Variants in ATRN observed in about 807,000 individuals in gnomAD.
The protein encoded by ATRN is attractin-2.
A neutral mutation model predicts 178.7 loss-of-function variants in ATRN; 54 were observed. That is an observed-to-expected ratio of 0.30 (90% CI 0.24 to 0.38). The LOEUF (loss-of-function observed/expected upper bound fraction) is 0.38. Among genes scored for constraint, ATRN ranks in the 10% least tolerant of loss-of-function variants. ATRN has a pLI of 1.00. For synonymous variants in ATRN, 636 were observed against 663.0 expected (o/e 0.96, Z 0.63); for missense variants, 1,443 against 1,815.1 (o/e 0.79, Z 3.73).
chr20:3,513,307 A>G (rs1208677942), intron 1 of ATRN, among the ~76,000 whole-genome samples: 1 of 152,346 alleles, frequency 6.6e-6, no homozygotes, highest in Admixed American at 6.5e-5. Flanking sequence ...GAAGGGATCC[A>G]GTTTCAGCTT....
At chr20:3,514,120 A>G (rs1327487450) in intron 1 of ATRN, among the ~76,000 whole-genome samples, 13 of 152,182 alleles carry the variant, frequency 8.5e-5, no homozygotes, top group Non-Finnish European at 1.9e-4. Context: ...TGGGAGCTGT[A>G]GACTGGAGCT....
At chr20:3,534,860 G>A (rs2085502275) in intron 1 of ATRN, among the ~76,000 whole-genome samples, 2 of 152,070 alleles carry the variant, frequency 1.3e-5, no homozygotes, top group South Asian at 4.2e-4. Context: ...TAATTCTGGT[G>A]CTTTGGGAAG....
rs144704398 is a variant in ATRN, at chr20:3,553,495, A to G, written c.1112+4157A>G. ...TTATTCCTATTAATCAAATTGCTAA[A>G]CATGAACTGGGGTGCCATTGAACAA... On this transcript the variant is annotated intron_variant, in intron 6 of 28. Coordinates refer to ENST00000262919, the MANE Select transcript of ATRN (RefSeq NM_139321.3). Among the ~76,000 whole-genome samples, 33 of 152,312 alleles carry G rather than the reference A, an allele frequency of 2.2e-4. 1 individual carries two copies. In the East Asian group the frequency reaches 4.4e-3, roughly 20 times the overall value.
chr20:3,550,744 C>T (rs1197027116), intron 6 of ATRN, among the ~76,000 whole-genome samples: 2 of 152,152 alleles, frequency 1.3e-5, no homozygotes, highest in East Asian at 1.9e-4. Context: ...CCAGAGATCT[C>T]GTAGGAGATT....
rs1266760441 is a variant in ATRN, at chr20:3,497,344, T to TA, written c.410+25828dup. Reference sequence around the variant, plus strand: ...TTAGCACTTCCTTCAGGAGCTCTTTTAGGGCAGGCCTGGTGGTGACAGAAT... The same window carrying TA: ...TTAGCACTTCCTTCAGGAGCTCTTTTAAGGGCAGGCCTGGTGGTGACAGAAT... On this transcript the variant is annotated intron_variant, in intron 1 of 28. Transcript: ENST00000262919. Among the ~76,000 whole-genome samples the TA allele has an allele frequency of 3.3e-5, 5 of 152,220 alleles. No homozygotes were observed. In the East Asian group the frequency reaches 7.7e-4, roughly 23 times the overall value.
intron 1 of ATRN, among the ~76,000 whole-genome samples, chr20:3,530,390 A>C (rs1412909445): frequency 6.7e-6 from 1 of 150,136 alleles, no homozygotes; most frequent in Non-Finnish European, 1.5e-5. Flanking sequence ...CAGCCTCCCG[A>C]GTAGCTGGGA....
intron 24 of ATRN, among the ~76,000 whole-genome samples, chr20:3,621,372 C>T (rs532340255): frequency 2.0e-5 from 3 of 151,972 alleles, no homozygotes; most frequent in South Asian, 2.1e-4. Context: ...AGTGCAGGTC[C>T]GTAATATCTT....
rs5839998 is a variant in ATRN, at chr20:3,532,769, C to CT, written c.411-2473dup. ...ATTGAAATGCTTGGGCCTTTATACT[C>CT]TTTTTTTTTTTGAGACAGAGTCTCA... is the stretch of plus-strand genomic sequence containing the variant. On this transcript the variant is annotated intron_variant, in intron 1 of 28. Coordinates refer to ENST00000262919, the MANE Select transcript of ATRN (RefSeq NM_139321.3). Among the ~76,000 whole-genome samples the CT allele has an allele frequency of 8.7e-3, 1,277 of 147,326 alleles. 17 individuals carry two copies. The highest frequency in any genetic ancestry group is 0.028 in the African/African-American group (1,110 of 40,298).
chr20:3,599,307 A>C (rs568689372), intron 22 of ATRN, among the ~76,000 whole-genome samples: 2 of 152,210 alleles, frequency 1.3e-5, no homozygotes, highest in African/African-American at 4.8e-5. Flanking sequence ...AAAATCTTTC[A>C]GGATATACTT....
chr20:3,576,925 A>G lies in ATRN; in HGVS notation c.2281A>G (p.Ser761Gly). The G allele has an allele frequency of 6.2e-7, 1 of 1,614,156 alleles. No homozygotes were observed. Among genetic ancestry groups the G allele is most frequent in the South Asian group, 1.1e-5 (1 of 91,080 alleles). Reference sequence around the variant, plus strand: ...CATGTACTACTGTAACAAGAAGACCAGCTGCAGGAGCTGTGCCCTGGACCA... The same window carrying G: ...CATGTACTACTGTAACAAGAAGACCGGCTGCAGGAGCTGTGCCCTGGACCA... ...NPMYYCNKKT[S>G]CRSCALDQNC... The change falls in exon 14 of 29, where the codon AGC becomes GGC. Residue 761 changes from serine to glycine, a missense_variant. This residue lies in a region of ATRN where 212 missense variants were observed against 330.7 expected (regional missense o/e 0.64). Transcript: ENST00000262919.
In ATRN at chr20:3,632,800, A is replaced by G. The variant is rs1312037925; in HGVS notation, c.3864-1511A>G. ...GACAGTAATCTTTGCTCTGTTTATC[A>G]GTGTTTTCCATGAGCCTAGAACAGG... On this transcript the variant is annotated intron_variant, in intron 25 of 28. Coordinates refer to ENST00000262919, the MANE Select transcript of ATRN (RefSeq NM_139321.3). The surrounding 1 kb of genome is among the most constrained non-coding windows in gnomAD (Gnocchi z 4.2). 1.5e-4 allele frequency among the ~76,000 whole-genome samples: 23 copies of G among 152,196 alleles called. No individual in the cohort carries two copies. The highest frequency in any genetic ancestry group is 1.5e-3 in the Admixed American group (23 of 15,290).
At chr20:3,498,107 A>G (rs924905413) in intron 1 of ATRN, among the ~76,000 whole-genome samples, 4 of 152,204 alleles carry the variant, frequency 2.6e-5, no homozygotes, top group Admixed American at 6.5e-5. Context: ...TCCTCGACAC[A>G]TACACCCTCC....
intron 24 of ATRN, among the ~76,000 whole-genome samples, chr20:3,611,647 C>T (rs138770419): frequency 0.038 from 5,783 of 152,292 alleles, 147 homozygotes; most frequent in Non-Finnish European, 0.056. Flanking sequence ...GATACTGAGG[C>T]AGGAGAATCG....
intron 3 of ATRN, among the ~76,000 whole-genome samples, chr20:3,541,160 C>T (rs2085614727): frequency 6.6e-6 from 1 of 150,718 alleles, no homozygotes; most frequent in South Asian, 2.1e-4. Context: ...TCACTGCAAG[C>T]TCCGCCTCCC....
chr20:3,596,573 G>C (rs1020689187), intron 21 of ATRN, 144 bp downstream of exon 21: 1 of 779,560 alleles, frequency 1.3e-6, no homozygotes, highest in East Asian at 2.6e-5. Flanking sequence ...TTTACATTCT[G>C]TTAAGTTTAC....
chr20:3,503,192 G>A (rs758056845), intron 1 of ATRN, among the ~76,000 whole-genome samples: 6 of 152,166 alleles, frequency 3.9e-5, no homozygotes, highest in African/African-American at 1.2e-4. Flanking sequence ...CTATTGGAAC[G>A]ATAGCCTAGA....
At chr20:3,529,397 G>T (rs532796495) in intron 1 of ATRN, among the ~76,000 whole-genome samples, 2 of 152,254 alleles carry the variant, frequency 1.3e-5, no homozygotes, top group South Asian at 4.1e-4. Context: ...ATTTATACGT[G>T]TCTTAACTTC....
rs560470964 is a variant in ATRN, at chr20:3,572,811, A to G, written c.1952A>G (p.His651Arg). ...LVFTSEQCDA[H>R]RSEAACLAAG... is the part of the protein sequence containing the mutation. ...TTCACCTCGGAACAGTGTGATGCGC[A>G]TCGGAGTGAAGCCGCTTGTTTAGCA... Residue 651 changes from histidine to arginine, a missense_variant, in exon 12 of 29, where the codon CAT (histidine) becomes CGT (arginine). Coordinates refer to ENST00000262919, the MANE Select transcript of ATRN (RefSeq NM_139321.3). The G allele has an allele frequency of 2.6e-5, 42 of 1,613,828 alleles. No individual in the cohort carries two copies. In the Admixed American group the frequency reaches 4.8e-4, roughly 19 times the overall value.
intron 6 of ATRN, among the ~76,000 whole-genome samples, chr20:3,557,370 GT>G (rs1199981860): frequency 6.6e-6 from 1 of 152,180 alleles, no homozygotes; most frequent in African/African-American, 2.4e-5. Flanking sequence ...AACATTTTCA[GT>G]ACCAGCAGTG....
Sources: allele counts gnomAD v4.1 joint callset (sites outside exome capture counted in the v4.1 genomes callset), GRCh38; gene constraint gnomAD v4.1.1; regional missense constraint gnomAD v4.1.1; non-coding constraint Gnocchi (gnomAD v3.1); transcripts MANE v1.5; gene names NCBI Gene and HGNC (gene_info 2026-07-23, HGNC 2026-07-21).